The following PDZD2 variants were observed in gnomAD, a reference collection of about 807,000 sequenced individuals.
PDZD2 encodes the protein PDZ domain containing 2, also known as PDZ domain-containing protein 2.
In PDZD2, 90 loss-of-function variants were observed where a neutral mutation model predicts 220.7. The observed-to-expected ratio is 0.41, with a 90% CI of 0.34 to 0.49. PDZD2 has a LOEUF of 0.49. Ranked by LOEUF, PDZD2 falls within the 20% of genes least tolerant of loss-of-function variation. The probability of loss-of-function intolerance (pLI) is 0.28; values close to 1 mark genes in which losing one functional copy is unlikely to be tolerated. For synonymous variants in PDZD2, 1,375 were observed against 1,450.5 expected (o/e 0.95, Z 1.18); for missense variants, 3,174 against 3,608.5 (o/e 0.88, Z 3.08).
At chr5:31,869,322 T>C (rs1738528094) in intron 2 of PDZD2, among the ~76,000 whole-genome samples, 1 of 152,098 alleles carries the variant, frequency 6.6e-6, no homozygotes, top group African/African-American at 2.4e-5. Context: ...TGACTCACTG[T>C]CCCTGTGACG....
intron 5 of PDZD2, among the ~76,000 whole-genome samples, chr5:32,003,587 A>C (rs902182719): frequency 1.2e-4 from 18 of 151,996 alleles, no homozygotes; most frequent in African/African-American, 3.6e-4. Context: ...TGCACAGCCC[A>C]CCTCCTCAAA....
chr5:31,798,600 A>G (rs1481269736), intron 1 of PDZD2, among the ~76,000 whole-genome samples: 1 of 151,952 alleles, frequency 6.6e-6, no homozygotes, highest in Non-Finnish European at 1.5e-5. Context: ...TGTGAGTTTG[A>G]TAGTATGTTG....
rs1163062262 is a variant in PDZD2 at position 32,008,195 on chromosome 5, T to C, written c.1255-2135T>C. Among the ~76,000 whole-genome samples, 4 of 151,546 alleles carry C rather than the reference T, an allele frequency of 2.6e-5. No individual in the cohort carries two copies. The East Asian group carries it at 7.7e-4, about 29-fold the overall frequency. The stretch of plus-strand genomic sequence containing the variant: ...AATGGAGTCTTATTCCATGTATTTT[T>C]GTTGACCTTTAAAAGTTGTTCAAGG... On this transcript the variant is annotated intron_variant, in intron 5 of 24. Transcript: ENST00000438447.
At chr5:31,771,951 C>G (rs1752363467) in intron 1 of PDZD2, among the ~76,000 whole-genome samples, 1 of 152,040 alleles carries the variant, frequency 6.6e-6, no homozygotes, top group African/African-American at 2.4e-5. Flanking sequence ...CTTTCTTAAA[C>G]TAAGATTTTT....
chr5:31,940,757 G>A (rs1385253527), intron 2 of PDZD2, among the ~76,000 whole-genome samples: 2 of 152,200 alleles, frequency 1.3e-5, no homozygotes, highest in African/African-American at 4.8e-5. Flanking sequence ...GGCACGAAGT[G>A]GCCCTTGAGA....
chr5:31,672,318 C>A (rs911125025), intron 1 of PDZD2, among the ~76,000 whole-genome samples: 8 of 152,144 alleles, frequency 5.3e-5, no homozygotes, highest in Admixed American at 4.6e-4. Context: ...CTGCTACAGC[C>A]AATTGGTGGG....
At chr5:31,757,759 C>T (rs1751382867) in intron 1 of PDZD2, among the ~76,000 whole-genome samples, 1 of 152,062 alleles carries the variant, frequency 6.6e-6, no homozygotes, top group Admixed American at 6.5e-5. Context: ...GTTATGGGCT[C>T]AGGACAAGTC....
chr5:32,057,556 T>G, intron 10 of PDZD2, 99 bp from the exon 11 acceptor site: 1 of 719,386 alleles, frequency 1.4e-6, no homozygotes, highest in Non-Finnish European at 2.5e-6. Context: ...TGGTAGTAAA[T>G]CAGGGACCAT....
At position 32,109,719 on chromosome 5, in the gene PDZD2, ACTT is replaced by A. The variant is rs1745193765; in HGVS notation, c.*1588_*1590del. On this transcript the variant is annotated 3_prime_UTR_variant, in exon 25 of 25. Coordinates refer to ENST00000438447, the MANE Select transcript of PDZD2 (RefSeq NM_178140.4). ...GACACTAAGATTTTATGTTGGAGAT[ACTT>A]CTTTAAATAACCTACAGCTTGGGTC... is the stretch of plus-strand genomic sequence containing the variant. 1 of 152,228 alleles carries A rather than the reference ACTT, an allele frequency of 6.6e-6. No individual in the cohort carries two copies. The highest frequency in any genetic ancestry group is 2.4e-5 in the African/African-American group (1 of 41,426). The allele number at this position is 152,228 out of a possible 1,614,324, so 9.4% of individuals were successfully genotyped here.
rs1196604066 is a variant in PDZD2, at chr5:31,743,100, C to T, written c.-360-55789C>T. Among the ~76,000 whole-genome samples, 4 of 152,100 alleles carry T rather than the reference C, an allele frequency of 2.6e-5. No homozygotes were observed. The East Asian group carries it at 7.7e-4, about 29-fold the overall frequency. On this transcript the variant is annotated intron_variant, in intron 1 of 24. Transcript: ENST00000438447. The stretch of plus-strand genomic sequence containing the variant: ...CCCCTGCTGAATTCTGCCATACATA[C>T]ATTGATTTTGACCTACTCTGAATCT...
At chr5:31,751,970 C>T (rs1467722508) in intron 1 of PDZD2, among the ~76,000 whole-genome samples, 1 of 151,924 alleles carries the variant, frequency 6.6e-6, no homozygotes, top group Non-Finnish European at 1.5e-5. Context: ...CCCTGCACCC[C>T]AATGCTTCTC....
rs553779388 is a variant in PDZD2, at chr5:31,862,263, C to G, written c.476+62539C>G. 4.6e-5 allele frequency among the ~76,000 whole-genome samples: 7 copies of G among 151,282 alleles called. No homozygotes were observed. The East Asian group carries it at 7.8e-4, about 17-fold the overall frequency. ...GAGACTACAGGTGTGCTCCACCACA[C>G]CCGGCTAATTTTTTTATTTTTAGTA... On this transcript the variant is annotated intron_variant, in intron 2 of 24. Coordinates refer to ENST00000438447, the MANE Select transcript of PDZD2 (RefSeq NM_178140.4).
chr5:31,999,646 T>C (rs1045463567), intron 4 of PDZD2, among the ~76,000 whole-genome samples: 9 of 152,148 alleles, frequency 5.9e-5, no homozygotes, highest in African/African-American at 1.7e-4. Context: ...GAATCACAGG[T>C]GCCCCAGAGG....
chr5:31,683,154 A>G (rs1269429555), intron 1 of PDZD2, among the ~76,000 whole-genome samples: 1 of 149,388 alleles, frequency 6.7e-6, no homozygotes, highest in East Asian at 2.0e-4. Flanking sequence ...CTTTGGGTAC[A>G]GGCTGCTTCC....
intron 2 of PDZD2, among the ~76,000 whole-genome samples, chr5:31,863,647 G>A (rs1580928202): frequency 6.6e-6 from 1 of 152,170 alleles, no homozygotes; most frequent in Middle Eastern, 3.2e-3. Flanking sequence ...AGGGGATGAC[G>A]GAAAACTGTT....
chr5:32,053,734 C>T (rs1252230509), intron 9 of PDZD2, 35 bp from the exon 10 acceptor site: 1 of 1,155,014 alleles, frequency 8.7e-7, no homozygotes, highest in Non-Finnish European at 1.3e-6. Context: ...AAATACCACA[C>T]TGTCAACCTG....
At chr5:31,756,237 G>A (rs1189434651) in intron 1 of PDZD2, among the ~76,000 whole-genome samples, 3 of 152,190 alleles carry the variant, frequency 2.0e-5, no homozygotes, top group African/African-American at 7.2e-5. Flanking sequence ...AGAGATGCTT[G>A]AGATGCGGCC....
At chr5:31,848,526 A>C (rs2150292770) in intron 2 of PDZD2, among the ~76,000 whole-genome samples, 1 of 152,284 alleles carries the variant, frequency 6.6e-6, no homozygotes, top group Non-Finnish European at 1.5e-5. Flanking sequence ...AGGTGGGCAG[A>C]TCACCTGAGG....
chr5:32,045,869 T>G (rs2112274530), intron 7 of PDZD2, among the ~76,000 whole-genome samples: 1 of 152,330 alleles, frequency 6.6e-6, no homozygotes, highest in East Asian at 1.9e-4. Flanking sequence ...GTATCAGCTT[T>G]CTTCCCACTT....
Sources: gnomAD v4.1 joint callset for allele counts (sites outside exome capture counted in the v4.1 genomes callset) on GRCh38, gnomAD v4.1.1 for gene constraint, MANE v1.5 for transcripts, NCBI Gene and HGNC (gene_info 2026-07-23, HGNC 2026-07-21) for gene names.